The following SCO2 variants were observed in gnomAD, a reference collection of about 807,000 sequenced individuals.
SCO2 encodes synthesis of cytochrome C oxidase 2, also known as cytochrome c oxidase assembly factor SCO2.
For missense variants in SCO2, 429 were observed against 348.7 expected (o/e 1.23, Z -1.83); for synonymous variants, 195 against 148.6 (o/e 1.31, Z -2.27).
At chr22:50,525,713 G>T (rs1255326021), upstream of SCO2, 8 of 1,580,780 alleles carry the variant, frequency 5.1e-6, no homozygotes, top group Non-Finnish European at 6.9e-6. Context: ...CGCCTCCGCA[G>T]CCCTGGATCC....
intron 1 of SCO2, among the ~76,000 whole-genome samples, chr22:50,525,270 A>G (rs974462299): frequency 1.3e-5 from 2 of 152,208 alleles, no homozygotes; most frequent in Non-Finnish European, 2.9e-5. Flanking sequence ...GCGCCGCGCG[A>G]GCGCGTTATA....
At position 50,524,233 on chromosome 22, in the gene SCO2, C is replaced by T. The variant is rs777622192; in HGVS notation, c.179G>A (p.Arg60Gln). 55 of 1,607,126 alleles carry T rather than the reference C, an allele frequency of 3.4e-5. No individual in the cohort carries two copies. The highest frequency in any genetic ancestry group is 1.7e-4 in the African/African-American group (13 of 74,920). Residue 60 changes from arginine (R) to glutamine (Q), a missense_variant, in exon 2 of 2, where the codon CGG becomes CAG. Arg to Gln is a conservative substitution (Grantham distance 43). Coordinates refer to ENST00000395693, the MANE Select transcript of SCO2 (RefSeq NM_005138.3). Reference sequence around the variant, plus strand: ...CCCGAACAGGCCTGTGATCAGCAGCCGGGTTCGAAGCCCAGGGCCCTGGGG... The same window carrying T: ...CCCGAACAGGCCTGTGATCAGCAGCTGGGTTCGAAGCCCAGGGCCCTGGGG... The part of the protein sequence containing the change: ...GQPQGPGLRT[R>Q]LLITGLFGAG...
In SCO2 at chr22:50,523,915, G is replaced by A; in HGVS notation, c.497C>T (p.Thr166Ile). 6.2e-7 allele frequency: 1 copy of A among 1,613,692 alleles called. No homozygotes were observed. Among genetic ancestry groups the A allele is most frequent in the Non-Finnish European group, 8.5e-7 (1 of 1,179,900 alleles). ...GLPPVQPVFI[T>I]VDPERDDVEA... ...AACGTCGTCCCGCTCGGGGTCCACAGTGATGAAGACAGGCTGCACTGGAGG... is the reference window on the plus strand; with the variant it reads ...AACGTCGTCCCGCTCGGGGTCCACAATGATGAAGACAGGCTGCACTGGAGG... The change falls in exon 2 of 2, where the codon ACT (threonine) becomes ATT (isoleucine). Residue 166 changes from threonine (T) to isoleucine (I), a missense_variant. By Grantham distance (89) the Thr-to-Ile change is moderately conservative. Coordinates refer to ENST00000395693, the MANE Select transcript of SCO2 (RefSeq NM_005138.3).
At chr22:50,526,429 C>T, upstream of SCO2, 3 of 1,509,510 alleles carry the variant, frequency 2.0e-6, no homozygotes, top group South Asian at 1.2e-5. Context: ...CGGGCAGCGC[C>T]CTGGGCCTGA....
rs747348613 is a variant in SCO2 at position 50,523,879 on chromosome 22, G to C, written c.533C>G (p.Ala178Gly). ...TGGGTGGAAGTCCTGGACGTAGCGG[G>C]CCATGGCTTCAACGTCGTCCCGCTC... ...DPERDDVEAM[A>G]RYVQDFHPRL... Residue 178 changes from alanine (A) to glycine (G), a missense_variant, in exon 2 of 2, where the codon GCC becomes GGC. Physicochemically the swap from Ala to Gly is moderately conservative, Grantham distance 60. Coordinates refer to ENST00000395693, the MANE Select transcript of SCO2 (RefSeq NM_005138.3). The C allele has an allele frequency of 6.2e-7, 1 of 1,613,936 alleles. No homozygotes were observed.
chr22:50,526,395 CCGT>C, upstream of SCO2: 1 of 1,524,594 alleles, frequency 6.6e-7, no homozygotes, highest in South Asian at 1.2e-5. Flanking sequence ...AAGGGCCGAG[CCGT>C]CGTCCAGCGC....
rs767252861 is a variant in SCO2 at position 50,524,235 on chromosome 22, G to A, written c.177C>T (p.Thr59=). The A allele has an allele frequency of 1.3e-5, 21 of 1,607,010 alleles. No homozygotes were observed. Among genetic ancestry groups the A allele is most frequent in the African/African-American group, 2.7e-5 (2 of 74,916 alleles). ...QGQPQGPGLR[T]RLLITGLFGA... ...CGAACAGGCCTGTGATCAGCAGCCG[G>A]GTTCGAAGCCCAGGGCCCTGGGGCT... The change falls in exon 2 of 2, where the codon ACC becomes ACT. Residue 59 remains threonine, a synonymous_variant. Coordinates refer to ENST00000395693, the MANE Select transcript of SCO2 (RefSeq NM_005138.3).
chr22:50,526,036 T>C, upstream of SCO2: 1 of 1,478,300 alleles, frequency 6.8e-7, no homozygotes, highest in Non-Finnish European at 8.9e-7. Flanking sequence ...GACCAGCAGC[T>C]CTGCGCCCAC....
At chr22:50,524,683 G>C in intron 1 of SCO2, 1 of 672,938 alleles carries the variant, frequency 1.5e-6, no homozygotes, top group East Asian at 3.0e-5. Context: ...CTGCACCTCA[G>C]CAAGGTGAAC....
In SCO2 at chr22:50,524,429, A is replaced by C; in HGVS notation, c.-13-5T>G. On this transcript the variant is annotated splice_region_variant and splice_polypyrimidine_tract_variant and intron_variant, in intron 1 of 1. Transcript: ENST00000395693. Reference sequence around the variant, plus strand: ...AGCAGCATGGATCTGATGCTCCTGGAAACAAGCACAGGCGTCAGGAGCCAG... The same window carrying C: ...AGCAGCATGGATCTGATGCTCCTGGCAACAAGCACAGGCGTCAGGAGCCAG... The C allele has an allele frequency of 6.2e-7, 1 of 1,609,890 alleles. No homozygotes were observed. The highest frequency in any genetic ancestry group is 8.5e-7 in the Non-Finnish European group (1 of 1,179,544).
At chr22:50,526,066 C>T (rs1419699854), upstream of SCO2, 1 of 1,484,362 alleles carries the variant, frequency 6.7e-7, no homozygotes, top group Non-Finnish European at 8.9e-7. Flanking sequence ...GAGCGGCTCC[C>T]CAGCGCGGCT....
chr22:50,525,450 C>A (rs1439500848), intron 1 of SCO2, 22 bp downstream of exon 1: 1 of 430,880 alleles, frequency 2.3e-6, no homozygotes, highest in South Asian at 2.4e-5. Flanking sequence ...ACCTCCTCCC[C>A]TCCCAGCCCC....
rs2148671020 is a variant in SCO2, at chr22:50,523,790, A to C, written c.622T>G (p.Tyr208Asp). 1.2e-6 allele frequency: 2 copies of C among 1,614,116 alleles called. No homozygotes were observed. Among genetic ancestry groups the C allele is most frequent in the Non-Finnish European group, 1.7e-6 (2 of 1,180,012 alleles). ...VAQASHSYRVYYNAGPKDEDQ... is the reference protein window; with the variant it reads ...VAQASHSYRVDYNAGPKDEDQ... ...TCATCCTTGGGGCCTGCATTGTAGT[A>C]CACGCGGTAACTGTGACTAGCCTGG... The change falls in exon 2 of 2, where the codon TAC (tyrosine) becomes GAC (aspartate). Residue 208 changes from tyrosine to aspartate, a missense_variant. Tyr to Asp is a radical substitution (Grantham distance 160). Transcript: ENST00000395693.
Position 50,523,589 on chromosome 22 carries a change from A to C in SCO2, c.*22T>G, listed in dbSNP as rs370848925. On this transcript the variant is annotated 3_prime_UTR_variant, in exon 2 of 2. Transcript: ENST00000395693. ...CAGATTAAACGCAGCCCGTTTAATG[A>C]TGGGGCCCAGACTGCAGTGGCTCAA... The C allele has an allele frequency of 2.6e-5, 42 of 1,611,878 alleles. No homozygotes were observed. Among genetic ancestry groups the C allele is most frequent in the Non-Finnish European group, 3.6e-5 (42 of 1,179,472 alleles).
chr22:50,526,257 G>A (rs573319831), upstream of SCO2: 8 of 1,534,440 alleles, frequency 5.2e-6, no homozygotes, highest in Admixed American at 7.7e-5. Flanking sequence ...ATCTGCGGGC[G>A]CCAGCAGCTC....
At chr22:50,525,629 G>A (rs961455878), upstream of SCO2, 14 of 1,306,878 alleles carry the variant, frequency 1.1e-5, no homozygotes, top group East Asian at 2.5e-5. Flanking sequence ...CACGGGCGCA[G>A]CCGCTGACAG....
At chr22:50,524,824 C>A (rs922466389) in intron 1 of SCO2, 7 of 376,080 alleles carry the variant, frequency 1.9e-5, no homozygotes, top group African/African-American at 1.5e-4. Context: ...GCAACCGATT[C>A]CTCCAACACT....
chr22:50,525,707 T>C (rs574821003), upstream of SCO2: 54 of 1,572,952 alleles, frequency 3.4e-5, no homozygotes, highest in Admixed American at 3.0e-4. Context: ...GGCCCCCGCC[T>C]CCGCAGCCCT....
chr22:50,526,251 GCGGGCGCCAGCAGCTCCTCCTGCTCC>G (rs1200526412), upstream of SCO2: 2 of 1,534,314 alleles, frequency 1.3e-6, no homozygotes, highest in Admixed American at 3.9e-5. Context: ...CTCACCATCT[GCGGGCGCCAGCAGCTCCTCCTGCTCC>G]CGGGCGCGAG....
Sources: gnomAD v4.1 joint callset for allele counts (sites outside exome capture counted in the v4.1 genomes callset) on GRCh38, gnomAD v4.1.1 for gene constraint, MANE v1.5 for transcripts, NCBI Gene and HGNC (gene_info 2026-07-23, HGNC 2026-07-21) for gene names.